Variants in TTLL5 observed in about 807,000 individuals in gnomAD.
The protein encoded by TTLL5 is tubulin tyrosine ligase like 5.
A neutral mutation model predicts 168.4 loss-of-function variants in TTLL5; 132 were observed. That is an observed-to-expected ratio of 0.78 (90% CI 0.68 to 0.91). The LOEUF (loss-of-function observed/expected upper bound fraction) is 0.91. Among genes scored for constraint, TTLL5 ranks in the 40% least tolerant of loss-of-function variants. The pLI is 0.00. For synonymous variants in TTLL5, 546 were observed against 558.6 expected (o/e 0.98, Z 0.32); for missense variants, 1,545 against 1,581.5 (o/e 0.98, Z 0.39).
chr14:75,898,832 T>C (rs903727542), intron 30 of TTLL5, among the ~76,000 whole-genome samples: 3 of 152,032 alleles, frequency 2.0e-5, no homozygotes, highest in African/African-American at 7.2e-5. Context: ...TCCTAAGGGA[T>C]CTTAAGAATA....
At chr14:75,919,490 C>T (rs1189909415) in intron 31 of TTLL5, among the ~76,000 whole-genome samples, 1 of 152,156 alleles carries the variant, frequency 6.6e-6, no homozygotes, top group Non-Finnish European at 1.5e-5. Flanking sequence ...GTGGACTAGT[C>T]TCTTCAACAA....
chr14:75,783,432 G>C lies in TTLL5; in HGVS notation c.2888G>C (p.Cys963Ser). The C allele has an allele frequency of 6.2e-7, 1 of 1,614,198 alleles. No individual in the cohort carries two copies. Residue 963 changes from cysteine to serine, a missense_variant, in exon 26 of 32, where the codon TGT becomes TCT. Coordinates refer to ENST00000298832, the MANE Select transcript of TTLL5 (RefSeq NM_015072.5). ...CCAAGCCCTACTGGCCTGCCACGCT[G>C]TCGATCAGGAAGTCACACCATTGGT... ...NIPSPTGLPR[C>S]RSGSHTIGPF...
At chr14:75,696,415 A>AT (rs1885875122) in intron 6 of TTLL5, among the ~76,000 whole-genome samples, 2 of 152,234 alleles carry the variant, frequency 1.3e-5, no homozygotes, top group Admixed American at 6.5e-5. Flanking sequence ...AAGTTTTGTT[A>AT]TTTTTTGTTT....
chr14:75,804,878 CCTAGCTTTT>C (rs151116500), intron 27 of TTLL5, among the ~76,000 whole-genome samples: 2,269 of 152,258 alleles, frequency 0.015, 54 homozygotes, highest in African/African-American at 0.052. Context: ...GATCTAATTT[CCTAGCTTTT>C]CTAGGTCTTG....
chr14:75,697,769 A>G (rs973347878), intron 6 of TTLL5, among the ~76,000 whole-genome samples: 3 of 152,198 alleles, frequency 2.0e-5, no homozygotes, highest in Non-Finnish European at 4.4e-5. Context: ...GAGCCCTAGA[A>G]AAGGACTTGC....
chr14:75,843,617 A>C (rs1896372290), intron 28 of TTLL5, among the ~76,000 whole-genome samples: 1 of 152,262 alleles, frequency 6.6e-6, no homozygotes, highest in Non-Finnish European at 1.5e-5. Flanking sequence ...ACTGCAGAGC[A>C]GATGAGTGCT....
At chr14:75,771,930 A>G (rs964186925) in intron 21 of TTLL5, 76 bp downstream of exon 21, 2 of 1,408,768 alleles carry the variant, frequency 1.4e-6, no homozygotes, top group South Asian at 1.4e-5. Flanking sequence ...TTTTTTTCCT[A>G]TTAGGGTAAA....
At chr14:75,776,657 C>T in intron 22 of TTLL5, 90 bp from the exon 23 acceptor site, 1 of 887,776 alleles carries the variant, frequency 1.1e-6, no homozygotes, top group Non-Finnish European at 1.8e-6. Context: ...CAGATTAACT[C>T]AAGGCTATTG....
At chr14:75,784,078 T>TTA (rs985011754) in intron 26 of TTLL5, among the ~76,000 whole-genome samples, 69 of 152,214 alleles carry the variant, frequency 4.5e-4, no homozygotes, top group Middle Eastern at 3.4e-3. Flanking sequence ...AATTCAGTGG[T>TTA]TATATATATA....
rs1208784264 is a variant in TTLL5 at position 75,843,877 on chromosome 14, G to GTTTTGTTTTGTTTTA, written c.3327-19786_3327-19785insGTTTTGTTTTATTTT. Among the ~76,000 whole-genome samples, 78 of 130,702 alleles carry GTTTTGTTTTGTTTTA rather than the reference G, an allele frequency of 6.0e-4. 1 individual carries two copies. The highest frequency in any genetic ancestry group is 1.7e-3 in the African/African-American group (54 of 32,720). 85.7% of individuals were successfully genotyped at this position (130,702 alleles called of 152,430 possible). ...ATTTTATTTTGTTTTGTTTTGTTTT[G>GTTTTGTTTTGTTTTA]TTTTATTTTATTTTATTTTATTTTA... On this transcript the variant is annotated intron_variant, in intron 28 of 31. Transcript: ENST00000298832.
intron 28 of TTLL5, among the ~76,000 whole-genome samples, chr14:75,834,694 T>C (rs560812991): frequency 1.3e-5 from 2 of 152,152 alleles, no homozygotes; most frequent in Non-Finnish European, 2.9e-5. Context: ...AAAAGAACTT[T>C]TTTATTCTGT....
At chr14:75,826,781 G>C (rs1566620936) in intron 28 of TTLL5, among the ~76,000 whole-genome samples, 1 of 152,162 alleles carries the variant, frequency 6.6e-6, no homozygotes. Flanking sequence ...GGAAGAGCCT[G>C]GGAAGATCAC....
Position 75,954,442 on chromosome 14 carries a change from T to C in TTLL5, c.3842T>C (p.Ile1281Thr), listed in dbSNP as rs779044623. 1.9e-6 allele frequency: 3 copies of C among 1,613,916 alleles called. No individual in the cohort carries two copies. The highest frequency in any genetic ancestry group is 1.6e-4 in the Middle Eastern group (1 of 6,084). ...TSSTDPAHTK[I>T] The stretch of plus-strand genomic sequence containing the variant: ...TTTTCAGATCCTGCTCACACTAAAA[T>C]ATGAACCACAAACACACAGAGAAAC... Residue 1281 changes from isoleucine to threonine, a missense_variant, in exon 32 of 32, where the codon ATA (isoleucine) becomes ACA (threonine). Physicochemically the swap from Ile to Thr is moderately conservative, Grantham distance 89 (BLOSUM62 -1). Coordinates refer to ENST00000298832, the MANE Select transcript of TTLL5 (RefSeq NM_015072.5).
chr14:75,924,861 C>A (rs900835704), intron 31 of TTLL5, among the ~76,000 whole-genome samples: 1 of 151,572 alleles, frequency 6.6e-6, no homozygotes, highest in Admixed American at 6.5e-5. Flanking sequence ...TAGGGGCGGC[C>A]GGGCAGAGGC....
At chr14:75,936,266 A>G (rs1449727880) in intron 31 of TTLL5, among the ~76,000 whole-genome samples, 1 of 152,212 alleles carries the variant, frequency 6.6e-6, no homozygotes, top group Non-Finnish European at 1.5e-5. Flanking sequence ...GAGAGTTCCA[A>G]GATTAATTTT....
At position 75,683,559 on chromosome 14, in the gene TTLL5, A is replaced by G. The variant is rs149084771; in HGVS notation, c.274A>G (p.Ser92Gly). 45 of 1,613,870 alleles carry G rather than the reference A, an allele frequency of 2.8e-5. No individual in the cohort carries two copies. In the African/African-American group the frequency reaches 5.1e-4, roughly 18 times the overall value. The part of the protein sequence containing the change: ...TAHGFHEVHP[S>G]STDYNLMWTG... The stretch of plus-strand genomic sequence containing the variant: ...TTCTGTCTGCCCTCAGGTTCACCCA[A>G]GCAGCACTGACTATAACCTAATGTG... Residue 92 changes from serine (S) to glycine (G), a missense_variant, in exon 5 of 32, where the codon AGC becomes GGC. By Grantham distance (56) the Ser-to-Gly change is moderately conservative (BLOSUM62 0). Transcript: ENST00000298832.
At chr14:75,662,581 C>T (rs1331738008) in intron 1 of TTLL5, among the ~76,000 whole-genome samples, 6 of 151,798 alleles carry the variant, frequency 4.0e-5, no homozygotes, top group Admixed American at 1.3e-4. Flanking sequence ...TCAGGTGATC[C>T]GCCCGCCTTG....
At position 75,926,750 on chromosome 14, in the gene TTLL5, G is replaced by A. The variant is rs77001743; in HGVS notation, c.3823+24526G>A. On this transcript the variant is annotated intron_variant, in intron 31 of 31. Transcript: ENST00000298832. ...GCGCAGCTGGTTTAGAAAACAGTTT[G>A]GCAGTTCCTGAAACAGTTAAACATA... Among the ~76,000 whole-genome samples, 104 of 152,276 alleles carry A rather than the reference G, an allele frequency of 6.8e-4. 2 individuals are homozygous for A. The East Asian group carries it at 0.017, about 25-fold the overall frequency.
chr14:75,860,173 C>T (rs931918962), intron 28 of TTLL5, among the ~76,000 whole-genome samples: 33 of 152,304 alleles, frequency 2.2e-4, no homozygotes, highest in African/African-American at 7.9e-4. Context: ...CCTTTCTTAT[C>T]CATAATTCCT....
Sources: gnomAD v4.1 joint callset for allele counts (sites outside exome capture counted in the v4.1 genomes callset) on GRCh38, gnomAD v4.1.1 for gene constraint, MANE v1.5 for transcripts, NCBI Gene and HGNC (gene_info 2026-07-23, HGNC 2026-07-21) for gene names.